Variants in CAPZB observed in about 807,000 individuals in gnomAD.
CAPZB encodes F-actin-capping protein subunit beta.
CAPZB carries 2 observed loss-of-function variants against 38.1 expected under a neutral mutation model. The ratio of observed to expected loss-of-function variants is 0.05; its 90% CI spans 0.02 to 0.17. The LOEUF (loss-of-function observed/expected upper bound fraction) is 0.17, where lower values mean the gene tolerates loss of function less well. Ranked by LOEUF, CAPZB falls within the 10% of genes least tolerant of loss-of-function variation. The probability of loss-of-function intolerance (pLI) is 1.00; values close to 1 mark genes in which losing one functional copy is unlikely to be tolerated. For missense variants in CAPZB, 161 were observed against 334.2 expected (o/e 0.48, Z 4.04); for synonymous variants, 107 against 127.4 (o/e 0.84, Z 1.08).
rs112399355 is a variant in CAPZB at position 19,356,861 on chromosome 1, CT to C, written c.472-111del. 0.11 allele frequency: 56,771 copies of C among 515,048 alleles called. 1 individual carries two copies. The highest frequency in any genetic ancestry group is 0.19 in the South Asian group (6,552 of 34,008). 31.9% of individuals were successfully genotyped at this position (515,048 alleles called of 1,614,324 possible). On this transcript the variant is annotated intron_variant, in intron 5 of 8. Coordinates refer to ENST00000264202, the MANE Select transcript of CAPZB (RefSeq NM_004930.5). The surrounding 1 kb of genome is among the most constrained non-coding windows in gnomAD (Gnocchi z 4.3). ...TCCTAGGTCATTATCACAATATTAC[CT>C]TTTTTTTTTTTAAATTGGAGACAAA...
chr1:19,367,587 G>A (rs922761899), intron 4 of CAPZB, among the ~76,000 whole-genome samples: 2 of 152,220 alleles, frequency 1.3e-5, no homozygotes, highest in African/African-American at 2.4e-5. Context: ...GAGACCAGCT[G>A]TTTTCACCAT....
chr1:19,398,934 G>A (rs1244023976), intron 2 of CAPZB, among the ~76,000 whole-genome samples: 1 of 149,788 alleles, frequency 6.7e-6, no homozygotes, highest in South Asian at 2.1e-4. Context: ...CTCGAGTACC[G>A]CAACCTCCGC....
intron 4 of CAPZB, among the ~76,000 whole-genome samples, chr1:19,363,613 G>T (rs1207018711): frequency 6.6e-6 from 1 of 152,162 alleles, no homozygotes; most frequent in Non-Finnish European, 1.5e-5. Context: ...AAAGTAAAAA[G>T]AAAAGAAAAT....
At chr1:19,421,865 T>C (rs1204720874) in intron 1 of CAPZB, among the ~76,000 whole-genome samples, 1 of 152,212 alleles carries the variant, frequency 6.6e-6, no homozygotes, top group Non-Finnish European at 1.5e-5. Flanking sequence ...TAGTATGTGT[T>C]TAATGATTGG....
intron 2 of CAPZB, among the ~76,000 whole-genome samples, chr1:19,405,762 G>T (rs2094328452): frequency 6.6e-6 from 1 of 152,202 alleles, no homozygotes; most frequent in Non-Finnish European, 1.5e-5. Context: ...GGAGGGGCCG[G>T]CTGTCAGATG....
intron 2 of CAPZB, among the ~76,000 whole-genome samples, chr1:19,407,009 G>A (rs1178799059): frequency 6.6e-6 from 1 of 152,116 alleles, no homozygotes; most frequent in East Asian, 1.9e-4. Context: ...TGTGCCTTTC[G>A]ATTTCAAGGC....
chr1:19,472,313 T>TTGGGGCATGAA (rs1490531277), intron 1 of CAPZB, among the ~76,000 whole-genome samples: 5 of 152,094 alleles, frequency 3.3e-5, no homozygotes, highest in Admixed American at 1.3e-4. Context: ...CTCTAAACCC[T>TTGGGGCATGAA]CTGAGGTTAG....
chr1:19,462,617 C>T (rs2094555690), intron 1 of CAPZB, among the ~76,000 whole-genome samples: 1 of 152,154 alleles, frequency 6.6e-6, no homozygotes, highest in Non-Finnish European at 1.5e-5. Context: ...GAAGTAAGCG[C>T]ATTGAATAAA....
intron 3 of CAPZB, among the ~76,000 whole-genome samples, chr1:19,383,019 C>T (rs887524351): frequency 3.3e-5 from 5 of 151,520 alleles, no homozygotes; most frequent in African/African-American, 1.2e-4. Flanking sequence ...TGGCTCACAC[C>T]TGTAATCCTA....
At chr1:19,482,082 G>A (rs753735201) in intron 1 of CAPZB, among the ~76,000 whole-genome samples, 11 of 152,298 alleles carry the variant, frequency 7.2e-5, no homozygotes, top group East Asian at 1.9e-4. Flanking sequence ...TCTAACGGGC[G>A]AGGCACCTGC....
chr1:19,349,967 A>C (rs1274722631), intron 6 of CAPZB, among the ~76,000 whole-genome samples: 1 of 152,262 alleles, frequency 6.6e-6, no homozygotes, highest in Non-Finnish European at 1.5e-5. Flanking sequence ...TCCTTATAAA[A>C]GTGGCTGCCG....
At chr1:19,450,097 T>C (rs1245279331) in intron 1 of CAPZB, among the ~76,000 whole-genome samples, 2 of 133,054 alleles carry the variant, frequency 1.5e-5, no homozygotes, top group Non-Finnish European at 3.0e-5. Flanking sequence ...TGAGCAGGAA[T>C]TGTACCATTG....
At position 19,419,657 on chromosome 1, in the gene CAPZB, G is replaced by A. The variant is rs147095059; in HGVS notation, c.93+4C>T. The A allele has an allele frequency of 4.3e-3, 6,771 of 1,565,588 alleles. 47 individuals are homozygous for A. The highest frequency in any genetic ancestry group is 0.024 in the Middle Eastern group (142 of 5,994). On this transcript the variant is annotated splice_donor_region_variant and intron_variant, in intron 2 of 8. Coordinates refer to ENST00000264202, the MANE Select transcript of CAPZB (RefSeq NM_004930.5). ...AAATGGAACCATATGAAGGAGGCAC[G>A]TACCAGGTCGATCAGGTCGCTGAGG... is the stretch of plus-strand genomic sequence containing the variant.
chr1:19,453,326 A>G (rs538954173), intron 1 of CAPZB, among the ~76,000 whole-genome samples: 1 of 151,876 alleles, frequency 6.6e-6, no homozygotes, highest in South Asian at 2.1e-4. Context: ...CAGTGGCACA[A>G]TCTCGGCTCA....
intron 4 of CAPZB, among the ~76,000 whole-genome samples, chr1:19,367,854 G>A (rs1021831571): frequency 1.3e-5 from 2 of 152,146 alleles, no homozygotes; most frequent in East Asian, 1.9e-4. Context: ...CAATGGTGCC[G>A]CTGCAGGGGC....
chr1:19,467,990 C>T (rs887931367), intron 1 of CAPZB, among the ~76,000 whole-genome samples: 1 of 152,176 alleles, frequency 6.6e-6, no homozygotes. Context: ...GTAATCCCAA[C>T]ACTTTGAGAG....
intron 4 of CAPZB, among the ~76,000 whole-genome samples, chr1:19,376,256 C>T (rs1025917733): frequency 1.8e-4 from 27 of 152,154 alleles, no homozygotes; most frequent in African/African-American, 5.8e-4. Context: ...GGGGATGACA[C>T]GCATGGCACG....
At chr1:19,428,660 C>T (rs1183252980) in intron 1 of CAPZB, among the ~76,000 whole-genome samples, 2 of 149,062 alleles carry the variant, frequency 1.3e-5, no homozygotes, top group Non-Finnish European at 3.0e-5. Flanking sequence ...TGAGGTCCAG[C>T]GCAAGTTTTG....
chr1:19,360,502 C>G (rs905497561), intron 4 of CAPZB, among the ~76,000 whole-genome samples: 4 of 152,198 alleles, frequency 2.6e-5, no homozygotes, highest in African/African-American at 9.6e-5. Flanking sequence ...TTGCTCTCCT[C>G]TGTGTGCTGG....
Sources: gnomAD v4.1 joint callset for allele counts (sites outside exome capture counted in the v4.1 genomes callset) on GRCh38, gnomAD v4.1.1 for gene constraint, Gnocchi (gnomAD v3.1) non-coding constraint, MANE v1.5 for transcripts, NCBI Gene and HGNC (gene_info 2026-07-23, HGNC 2026-07-21) for gene names.